The following GLIS1 variants were observed in gnomAD, a reference collection of about 807,000 sequenced individuals.
The protein encoded by GLIS1 is zinc finger protein GLIS1.
In GLIS1, 24 loss-of-function variants were observed where a neutral mutation model predicts 63.8. The ratio of observed to expected loss-of-function variants is 0.38; its 90% confidence interval spans 0.27 to 0.53. The LOEUF (loss-of-function observed/expected upper bound fraction) is 0.53. Ranked by LOEUF, GLIS1 falls within the 20% of genes least tolerant of loss-of-function variation. GLIS1 has a pLI of 0.85. For missense variants in GLIS1, 1,036 were observed against 1,074.1 expected (o/e 0.96, Z 0.50); for synonymous variants, 450 against 482.5 (o/e 0.93, Z 0.88).
chr1:53,529,988 G>T, intron 4 of GLIS1, 36 bp from the exon 5 acceptor site: 1 of 1,599,532 alleles, frequency 6.3e-7, no homozygotes, highest in South Asian at 1.1e-5. Context: ...CTCCCAGCCC[G>T]GTGGGCACCC....
intron 2 of GLIS1, among the ~76,000 whole-genome samples, chr1:53,713,368 G>A (rs934459166): frequency 1.2e-4 from 17 of 139,028 alleles, no homozygotes; most frequent in African/African-American, 4.5e-4. Context: ...AGACCAGCCT[G>A]GGCAACATGG....
Position 53,514,755 on chromosome 1 carries a change from G to C in GLIS1, c.1753C>G (p.His585Asp), listed in dbSNP as rs1415715042. The C allele has an allele frequency of 1.9e-6, 3 of 1,604,404 alleles. No homozygotes were observed. The highest frequency in any genetic ancestry group is 1.3e-5 in the African/African-American group (1 of 74,944). ...AGGAGGCCCGATGCAAGTCCGTTAT[G>C]GGGGGTGATGGAGCCAGGATACACA... ...PGVYPGSITP[H>D]NGLASGLLPP... The change falls in exon 8 of 11, where the codon CAT (histidine) becomes GAT (aspartate). Residue 585 changes from histidine to aspartate, a missense_variant. Coordinates refer to ENST00000628545, the MANE Select transcript of GLIS1 (RefSeq NM_001367484.1).
At position 53,600,317 on chromosome 1, in the gene GLIS1, TG is replaced by T. The variant is rs1391416314; in HGVS notation, c.260-40del. Reference sequence around the variant, plus strand: ...GACAGGGAGAGAGGGACACAGTGAGTGGGAACAGCCTGCAGAGGGGTATGGG... The same window carrying T: ...GACAGGGAGAGAGGGACACAGTGAGTGGAACAGCCTGCAGAGGGGTATGGG... On this transcript the variant is annotated intron_variant, in intron 2 of 10. Coordinates refer to ENST00000628545, the MANE Select transcript of GLIS1 (RefSeq NM_001367484.1). 5.8e-6 allele frequency: 7 copies of T among 1,216,178 alleles called. No homozygotes were observed. The African/African-American group carries it at 1.1e-4, about 19-fold the overall frequency. 75.3% of individuals were successfully genotyped at this position (1,216,178 alleles called of 1,614,324 possible). A position where few individuals can be genotyped will look rare whatever the true frequency, so the allele number is the denominator to read the frequency against.
In GLIS1 at chr1:53,511,297, C is replaced by A. The variant is rs1644296041; in HGVS notation, c.1884-1270G>T. ...AGGTGACCTCGTGACCCTTGCCCAC[C>A]CTCTGAGACACCAAGTATTGACAAA... On this transcript the variant is annotated intron_variant, in intron 8 of 10. Transcript: ENST00000628545. This position sits in a 1 kb window ranked among gnomAD's most constrained non-coding sequence, Gnocchi z 4.2. 6.6e-6 allele frequency among the ~76,000 whole-genome samples: 1 copy of A among 152,168 alleles called. No individual in the cohort carries two copies. The highest frequency in any genetic ancestry group is 2.4e-5 in the African/African-American group (1 of 41,428).
chr1:53,555,393 G>A (rs1319803613), intron 4 of GLIS1, among the ~76,000 whole-genome samples: 5 of 152,266 alleles, frequency 3.3e-5, no homozygotes, highest in African/African-American at 7.2e-5. Context: ...AGCTGGGCGC[G>A]GTGGTGGGCG....
chr1:53,738,290 C>G (rs2100589883), intron 1 of GLIS1, among the ~76,000 whole-genome samples, 184 bp from the exon 2 acceptor site: 1 of 152,330 alleles, frequency 6.6e-6, no homozygotes, highest in African/African-American at 2.4e-5. Flanking sequence ...AGCCCCCTCG[C>G]TCAGGAGCGG....
chr1:53,734,323 C>A, intron 2 of GLIS1: 1 of 397,428 alleles, frequency 2.5e-6, no homozygotes, highest in Non-Finnish European at 3.4e-6. Flanking sequence ...CTAACTATGG[C>A]ATAGATACTA....
At chr1:53,544,290 A>C (rs946872160) in intron 4 of GLIS1, among the ~76,000 whole-genome samples, 36 of 152,262 alleles carry the variant, frequency 2.4e-4, no homozygotes, top group African/African-American at 8.4e-4. Context: ...AATAGGGCTG[A>C]GGACTAAGAG....
intron 2 of GLIS1, among the ~76,000 whole-genome samples, chr1:53,634,369 A>C (rs1645701176): frequency 6.6e-6 from 1 of 152,140 alleles, no homozygotes; most frequent in Non-Finnish European, 1.5e-5. Context: ...CAAGGGCTAA[A>C]CCCTGAGCTC....
chr1:53,685,563 C>T (rs1231567104), intron 2 of GLIS1, among the ~76,000 whole-genome samples: 1 of 152,214 alleles, frequency 6.6e-6, no homozygotes, highest in East Asian at 1.9e-4. Flanking sequence ...TCTCCGAAGC[C>T]AAAATTACCC....
In GLIS1 at chr1:53,737,918, G is replaced by T; in HGVS notation, c.147C>A (p.Gly49=). 2 of 1,230,194 alleles carry T rather than the reference G, an allele frequency of 1.6e-6. No individual in the cohort carries two copies. The highest frequency in any genetic ancestry group is 2.0e-6 in the Non-Finnish European group (2 of 986,892). 76.2% of individuals were successfully genotyped at this position (1,230,194 alleles called of 1,614,324 possible). ...TVSGGGCGDR[G]PRDLLARPPA... is the part of the protein sequence containing the mutation. The stretch of plus-strand genomic sequence containing the variant: ...GCGGCCGGGCTAGCAGGTCCCGCGG[G>T]CCCCTGTCCCCGCAGCCGCCGCCAC... Residue 49 remains glycine, a synonymous_variant, in exon 2 of 11, where the codon GGC becomes GGA. Coordinates refer to ENST00000628545, the MANE Select transcript of GLIS1 (RefSeq NM_001367484.1).
intron 2 of GLIS1, among the ~76,000 whole-genome samples, chr1:53,632,962 GTA>G (rs1432523612): frequency 3.4e-5 from 5 of 148,322 alleles, no homozygotes; most frequent in African/African-American, 7.5e-5. Flanking sequence ...TGAGGGGCGT[GTA>G]TATGTGTGAC....
At chr1:53,731,403 C>T (rs1646859400) in intron 2 of GLIS1, among the ~76,000 whole-genome samples, 1 of 152,196 alleles carries the variant, frequency 6.6e-6, no homozygotes, top group Non-Finnish European at 1.5e-5. Flanking sequence ...CTGTCTGGGC[C>T]CCCTGCAGCC....
intron 2 of GLIS1, among the ~76,000 whole-genome samples, chr1:53,614,180 C>T (rs1312602604): frequency 4.6e-5 from 7 of 152,262 alleles, no homozygotes; most frequent in Non-Finnish European, 7.3e-5. Flanking sequence ...TACTCTTATG[C>T]GGTTTACATT....
At chr1:53,544,090 G>A (rs1171864547) in intron 4 of GLIS1, among the ~76,000 whole-genome samples, 1 of 152,198 alleles carries the variant, frequency 6.6e-6, no homozygotes, top group South Asian at 2.1e-4. Flanking sequence ...AGGGACGCCT[G>A]GAACTCATTA....
chr1:53,691,967 C>T (rs12086451), intron 2 of GLIS1, among the ~76,000 whole-genome samples: 36,459 of 152,004 alleles, frequency 0.24, 4,538 homozygotes, highest in African/African-American at 0.31. Flanking sequence ...GGACAGGAGT[C>T]GTGGAGGAGC....
intron 2 of GLIS1, among the ~76,000 whole-genome samples, chr1:53,683,649 C>A (rs750193632): frequency 9.2e-5 from 14 of 152,080 alleles, no homozygotes; most frequent in Non-Finnish European, 1.5e-4. Context: ...CTAGCCCTAG[C>A]AGAAGACCTG....
chr1:53,674,171 CAAAAAAAA>C (rs11297748), intron 2 of GLIS1, among the ~76,000 whole-genome samples: 9 of 94,128 alleles, frequency 9.6e-5, no homozygotes, highest in Non-Finnish European at 2.0e-4. Context: ...GACTCTGTCT[CAAAAAAAA>C]AAAAAAAAAA....
chr1:53,556,710 C>T (rs1644837128), intron 4 of GLIS1, among the ~76,000 whole-genome samples: 1 of 142,974 alleles, frequency 7.0e-6, no homozygotes, highest in South Asian at 2.3e-4. Context: ...AGGTGTACTG[C>T]AGATGTTTGT....
Sources: allele counts gnomAD v4.1 joint callset (sites outside exome capture counted in the v4.1 genomes callset), GRCh38; gene constraint gnomAD v4.1.1; non-coding constraint Gnocchi (gnomAD v3.1); transcripts MANE v1.5; gene names NCBI Gene and HGNC (gene_info 2026-07-23, HGNC 2026-07-21).